Variants in EMSY observed in about 807,000 individuals in gnomAD.
The protein encoded by EMSY is EMSY transcriptional repressor, BRCA2 interacting.
In EMSY, 26 loss-of-function variants were observed where a neutral mutation model predicts 134.6. That is an observed-to-expected ratio of 0.19 (90% confidence interval 0.14 to 0.27). The LOEUF (loss-of-function observed/expected upper bound fraction) is 0.27. Ranked by LOEUF, EMSY falls within the 10% of genes least tolerant of loss-of-function variation. The pLI is 1.00. For synonymous variants in EMSY, 579 were observed against 577.8 expected (o/e 1.00, Z -0.03); for missense variants, 1,305 against 1,611.4 (o/e 0.81, Z 3.26).
intron 14 of EMSY, among the ~76,000 whole-genome samples, chr11:76,528,765 T>C (rs574607039): frequency 6.6e-6 from 1 of 152,254 alleles, no homozygotes; most frequent in East Asian, 1.9e-4. Flanking sequence ...ATGGTAATTT[T>C]CATATTCTTC....
intron 15 of EMSY, among the ~76,000 whole-genome samples, 188 bp from the exon 17 acceptor site, chr11:76,537,607 T>A (rs773960534): frequency 2.0e-5 from 3 of 152,230 alleles, no homozygotes; most frequent in Non-Finnish European, 4.4e-5. Context: ...GGCTGCTGAG[T>A]ATGGTTATGC....
intron 8 of EMSY, among the ~76,000 whole-genome samples, chr11:76,478,160 T>C (rs559581640): frequency 6.6e-6 from 1 of 152,236 alleles, no homozygotes; most frequent in South Asian, 2.1e-4. Flanking sequence ...CCCTTATCAG[T>C]TCAACATGGT....
chr11:76,543,069 C>T (rs1046739275), intron 18 of EMSY, among the ~76,000 whole-genome samples: 11 of 152,150 alleles, frequency 7.2e-5, no homozygotes, highest in African/African-American at 2.4e-4. Flanking sequence ...CTTTTATGCT[C>T]ACTTCAGTAA....
intron 9 of EMSY, among the ~76,000 whole-genome samples, chr11:76,502,988 T>TA (rs1210852248): frequency 1.3e-5 from 2 of 151,560 alleles, no homozygotes; most frequent in East Asian, 3.9e-4. Flanking sequence ...AAACAATCTT[T>TA]AAAAAAAAGA....
At chr11:76,478,340 A>ATTT (rs371584435) in intron 8 of EMSY, among the ~76,000 whole-genome samples, 15 of 122,572 alleles carry the variant, frequency 1.2e-4, no homozygotes, top group East Asian at 2.2e-4. Flanking sequence ...CATGTGAATA[A>ATTT]TTTTTTTTTT....
intron 1 of EMSY, among the ~76,000 whole-genome samples, chr11:76,445,856 T>C (rs747605099): frequency 1.3e-5 from 2 of 152,184 alleles, no homozygotes; most frequent in Non-Finnish European, 2.9e-5. Flanking sequence ...CTTTTCTTTA[T>C]GTCATACTGC....
chr11:76,498,717 A>T (rs1004379580), intron 9 of EMSY, among the ~76,000 whole-genome samples: 1 of 152,198 alleles, frequency 6.6e-6, no homozygotes. Context: ...ACTAGCCTGC[A>T]TTAGTATATT....
chr11:76,509,276 G>A (rs565512061), intron 9 of EMSY, among the ~76,000 whole-genome samples: 35 of 151,966 alleles, frequency 2.3e-4, no homozygotes, highest in South Asian at 4.2e-4. Flanking sequence ...GCAGATCACC[G>A]GAGGTCAGGA....
intron 20 of EMSY, among the ~76,000 whole-genome samples, chr11:76,547,802 G>T (rs1202477517): frequency 6.6e-6 from 1 of 152,222 alleles, no homozygotes; most frequent in Non-Finnish European, 1.5e-5. Context: ...AAACAGGAGT[G>T]AAAATGTAAT....
At chr11:76,489,665 C>T (rs919094761) in intron 8 of EMSY, among the ~76,000 whole-genome samples, 19 of 148,564 alleles carry the variant, frequency 1.3e-4, no homozygotes, top group Admixed American at 8.8e-4. Flanking sequence ...AGTACAGTGG[C>T]GTGATTTTGG....
chr11:76,483,222 C>T (rs764912926), intron 8 of EMSY, among the ~76,000 whole-genome samples: 2 of 152,150 alleles, frequency 1.3e-5, no homozygotes, highest in Non-Finnish European at 2.9e-5. Context: ...TTGTCACCAC[C>T]AGGCCTGCCT....
At chr11:76,533,210 C>T (rs1951105240) in intron 14 of EMSY, among the ~76,000 whole-genome samples, 1 of 151,982 alleles carries the variant, frequency 6.6e-6, no homozygotes, top group South Asian at 2.1e-4. Context: ...TTTAGAATCA[C>T]TTTGTATGAG....
chr11:76,515,965 A>G (rs1950437053), intron 10 of EMSY, among the ~76,000 whole-genome samples, 177 bp from the exon 12 acceptor site: 1 of 152,248 alleles, frequency 6.6e-6, no homozygotes, highest in Admixed American at 6.5e-5. Flanking sequence ...TGGCTGTAGT[A>G]CTTGCTATAT....
At chr11:76,552,634 A>C (rs1182371834), downstream of EMSY, 1 of 152,176 alleles carries the variant, frequency 6.6e-6, no homozygotes, top group East Asian at 1.9e-4. Flanking sequence ...AGAGGATTAA[A>C]AACCAAAGGG....
At chr11:76,449,032 A>G (rs1947542682) in intron 2 of EMSY, among the ~76,000 whole-genome samples, 2 of 152,022 alleles carry the variant, frequency 1.3e-5, no homozygotes, top group East Asian at 1.9e-4. Flanking sequence ...ACGGGGCTTT[A>G]TGGACTATAG....
At chr11:76,528,745 TG>T (rs758764229) in intron 14 of EMSY, among the ~76,000 whole-genome samples, 1 of 152,280 alleles carries the variant, frequency 6.6e-6, no homozygotes, top group East Asian at 1.9e-4. Flanking sequence ...GATAGAGTTA[TG>T]ATTCCCAGAT....
intron 8 of EMSY, among the ~76,000 whole-genome samples, chr11:76,473,668 G>A (rs1948664354): frequency 1.3e-5 from 2 of 152,118 alleles, no homozygotes; most frequent in Admixed American, 6.5e-5. Flanking sequence ...GAGCAACTGA[G>A]ACCTGAACTC....
At chr11:76,500,785 T>A (rs1297128989) in intron 9 of EMSY, among the ~76,000 whole-genome samples, 1 of 152,216 alleles carries the variant, frequency 6.6e-6, no homozygotes, top group African/African-American at 2.4e-5. Flanking sequence ...GATGCTTAGA[T>A]GAAGGAGCAT....
At chr11:76,513,303 G>A in intron 9 of EMSY, 83 bp from the exon 11 acceptor site, 1 of 1,330,454 alleles carries the variant, frequency 7.5e-7, no homozygotes, top group Non-Finnish European at 1.0e-6. Context: ...GTAAATGTGT[G>A]TGACTACTGC....
Sources: allele counts gnomAD v4.1 joint callset (sites outside exome capture counted in the v4.1 genomes callset), GRCh38; gene constraint gnomAD v4.1.1; transcripts MANE v1.5; gene names NCBI Gene and HGNC (gene_info 2026-07-23, HGNC 2026-07-21).